Variants in EYA2 observed in about 807,000 individuals in gnomAD.
The protein encoded by EYA2 is protein phosphatase EYA2.
Under a neutral mutation model 69.2 loss-of-function variants are expected in EYA2, and 31 were observed. That is an observed-to-expected ratio of 0.45 (90% CI 0.34 to 0.60). The LOEUF is 0.60. Ranked by LOEUF, EYA2 falls within the 20% of genes least tolerant of loss-of-function variation. EYA2 has a pLI of 0.02. For missense variants in EYA2, 622 were observed against 701.2 expected, an observed-to-expected ratio of 0.89 and a Z score of 1.28; for synonymous variants, 257 against 279.4, an observed-to-expected ratio of 0.92 and a Z score of 0.80.
intron 1 of EYA2, among the ~76,000 whole-genome samples, chr20:46,962,179 C>A (rs942305364): frequency 6.6e-6 from 1 of 152,194 alleles, no homozygotes; most frequent in African/African-American, 2.4e-5. Flanking sequence ...TAGGCACATG[C>A]CACCACACCT....
chr20:46,976,225 C>G (rs1600599675), intron 1 of EYA2, among the ~76,000 whole-genome samples: 1 of 152,114 alleles, frequency 6.6e-6, no homozygotes, highest in East Asian at 1.9e-4. Context: ...AAACACTAGG[C>G]AGGTGTGATG....
At chr20:47,111,647 T>G (rs1354810598) in intron 9 of EYA2, among the ~76,000 whole-genome samples, 1 of 152,216 alleles carries the variant, frequency 6.6e-6, no homozygotes, top group African/African-American at 2.4e-5. Context: ...TGGGCAGCAC[T>G]GTACCCTGGG....
intron 5 of EYA2, among the ~76,000 whole-genome samples, chr20:47,030,053 G>T (rs572212684): frequency 6.6e-6 from 1 of 152,196 alleles, no homozygotes; most frequent in East Asian, 1.9e-4. Flanking sequence ...ATACGACAAC[G>T]AATGGGCAAG....
chr20:46,985,284 T>C (rs1486141948), intron 1 of EYA2, among the ~76,000 whole-genome samples: 1 of 152,222 alleles, frequency 6.6e-6, no homozygotes, highest in Admixed American at 6.5e-5. Context: ...AACAAGATTC[T>C]GTGTTAAGTG....
intron 5 of EYA2, among the ~76,000 whole-genome samples, chr20:47,062,129 G>A (rs528696806): frequency 2.0e-5 from 3 of 152,276 alleles, no homozygotes; most frequent in South Asian, 2.1e-4. Flanking sequence ...CTTCTCACAC[G>A]TGATGACGTG....
chr20:46,895,207 C>G (rs1351692437), intron 1 of EYA2, among the ~76,000 whole-genome samples: 1 of 152,234 alleles, frequency 6.6e-6, no homozygotes, highest in Non-Finnish European at 1.5e-5. Context: ...GAAAGGCTCT[C>G]CCAGGCTCGG....
intron 1 of EYA2, among the ~76,000 whole-genome samples, chr20:46,935,956 G>A (rs1176688232): frequency 6.6e-6 from 1 of 152,102 alleles, no homozygotes; most frequent in Non-Finnish European, 1.5e-5. Flanking sequence ...GAAACTTTTT[G>A]AGTGCTGACA....
intron 12 of EYA2, among the ~76,000 whole-genome samples, chr20:47,178,976 T>G (rs1046431658): frequency 3.3e-5 from 5 of 151,988 alleles, no homozygotes; most frequent in African/African-American, 1.2e-4. Context: ...GAAATAAAAA[T>G]GGTGTCCACC....
chr20:47,146,522 G>A (rs939808978), intron 10 of EYA2, among the ~76,000 whole-genome samples: 10 of 152,110 alleles, frequency 6.6e-5, no homozygotes, highest in Admixed American at 2.0e-4. Context: ...AATTTATTTC[G>A]AAAATGTCCC....
At chr20:46,987,962 CTCTATATA>C (rs1446208980) in intron 1 of EYA2, among the ~76,000 whole-genome samples, 4 of 17,550 alleles carry the variant, frequency 2.3e-4, no homozygotes, top group African/African-American at 4.5e-4. Flanking sequence ...CTCTCTCTCT[CTCTATATA>C]TATATATATA....
At chr20:47,121,731 A>G (rs2033050451) in intron 9 of EYA2, among the ~76,000 whole-genome samples, 1 of 152,152 alleles carries the variant, frequency 6.6e-6, no homozygotes, top group Admixed American at 6.5e-5. Context: ...TTGGTCTTCA[A>G]CACGAACCTG....
chr20:47,043,786 T>C (rs2029896738), intron 5 of EYA2, among the ~76,000 whole-genome samples: 1 of 152,210 alleles, frequency 6.6e-6, no homozygotes, highest in Non-Finnish European at 1.5e-5. Flanking sequence ...CCATCATCAT[T>C]ATTGCCATTA....
In EYA2 at chr20:47,023,632, GTTT is replaced by G. The variant is rs60939329; in HGVS notation, c.415+7355_415+7357del. On this transcript the variant is annotated intron_variant, in intron 5 of 15. Coordinates refer to ENST00000327619, the MANE Select transcript of EYA2 (RefSeq NM_005244.5). ...CATCTCCAGAAGTTTGATTTTGGGT[GTTT>G]TTTTTTTTTTTTTTTTTTTGAAGAC... Among the ~76,000 whole-genome samples, 32 of 90,074 alleles carry G rather than the reference GTTT, an allele frequency of 3.6e-4. 1 individual carries two copies. The East Asian group carries it at 4.1e-3, about 12-fold the overall frequency. 59.1% of individuals were successfully genotyped at this position (90,074 alleles called of 152,430 possible). A position where few individuals can be genotyped will look rare whatever the true frequency, so the allele number is the denominator to read the frequency against.
At chr20:47,101,226 A>G (rs2032414544) in intron 9 of EYA2, among the ~76,000 whole-genome samples, 1 of 152,194 alleles carries the variant, frequency 6.6e-6, no homozygotes, top group Non-Finnish European at 1.5e-5. Context: ...CTGGGACAAC[A>G]GGCAAGTGCC....
intron 3 of EYA2, among the ~76,000 whole-genome samples, chr20:47,002,069 C>T (rs532708272): frequency 1.3e-5 from 2 of 152,088 alleles, no homozygotes; most frequent in South Asian, 2.1e-4. Flanking sequence ...GCTGGGATTA[C>T]AGGCTCCCTT....
At chr20:46,907,413 G>A (rs1407439854) in intron 1 of EYA2, among the ~76,000 whole-genome samples, 1 of 152,264 alleles carries the variant, frequency 6.6e-6, no homozygotes, top group Non-Finnish European at 1.5e-5. Context: ...AGGTGAGGAA[G>A]CAGCAGCCTG....
intron 9 of EYA2, among the ~76,000 whole-genome samples, chr20:47,132,613 G>A (rs1822479071): frequency 6.6e-6 from 1 of 152,214 alleles, no homozygotes; most frequent in Admixed American, 6.5e-5. Flanking sequence ...GCAGTCCCAG[G>A]ATTTGAACCT....
At chr20:47,009,073 T>G (rs928688983) in intron 4 of EYA2, among the ~76,000 whole-genome samples, 1 of 152,210 alleles carries the variant, frequency 6.6e-6, no homozygotes, top group African/African-American at 2.4e-5. Flanking sequence ...TGGACCAGAT[T>G]TGGTCCATGA....
In EYA2 at chr20:46,987,916, G is replaced by GACACTCTCTCTCTCTCTC. The variant is rs56288405; in HGVS notation, c.-10-2085_-10-2084insACACTCTCTCTCTCTCTC. Among the ~76,000 whole-genome samples, 11 of 20,376 alleles carry GACACTCTCTCTCTCTCTC rather than the reference G, an allele frequency of 5.4e-4. 3 individuals are homozygous for GACACTCTCTCTCTCTCTC. The East Asian group carries it at 0.01, about 19-fold the overall frequency. 13.4% of individuals were successfully genotyped at this position (20,376 alleles called of 152,430 possible). A position where few individuals can be genotyped will look rare whatever the true frequency, so the allele number is the denominator to read the frequency against. ...TACTCCAGCCTGGAAGACAGAGTAA[G>GACACTCTCTCTCTCTCTC]TCTCTCTCTCTCTCTCTCTCTCTCT... On this transcript the variant is annotated intron_variant, in intron 1 of 15. Coordinates refer to ENST00000327619, the MANE Select transcript of EYA2 (RefSeq NM_005244.5).
Sources: allele counts gnomAD v4.1 joint callset (sites outside exome capture counted in the v4.1 genomes callset), GRCh38; gene constraint gnomAD v4.1.1; transcripts MANE v1.5; gene names NCBI Gene and HGNC (gene_info 2026-07-23, HGNC 2026-07-21).